U2AF2: variants seen among roughly 807,000 people sequenced by gnomAD.
U2AF2 encodes the protein U2 small nuclear RNA auxiliary factor 2.
In U2AF2, 6 loss-of-function variants were observed where a neutral mutation model predicts 52.6. The ratio of observed to expected loss-of-function variants is 0.11; its 90% CI spans 0.06 to 0.23. The LOEUF is 0.23. Ranked by LOEUF, U2AF2 falls within the 10% of genes least tolerant of loss-of-function variation. The probability of loss-of-function intolerance (pLI) is 1.00; values close to 1 mark genes in which losing one functional copy is unlikely to be tolerated. For synonymous variants in U2AF2, 284 were observed against 258.2 expected, an observed-to-expected ratio of 1.10 and a Z score of -0.96; for missense variants, 222 against 677.1, an observed-to-expected ratio of 0.33 and a Z score of 7.46.
intron 7 of U2AF2, among the ~76,000 whole-genome samples, chr19:55,665,710 G>T (rs1984507016): frequency 6.6e-6 from 1 of 152,162 alleles, no homozygotes. Flanking sequence ...GTGCAGTGGT[G>T]TGATCTCGGC....
At chr19:55,666,519 G>C (rs1001768548) in intron 7 of U2AF2, among the ~76,000 whole-genome samples, 5 of 152,250 alleles carry the variant, frequency 3.3e-5, no homozygotes, top group African/African-American at 1.2e-4. Context: ...GGGTCCTGTT[G>C]TGGGCATTGA....
chr19:55,668,409 G>A lies in U2AF2; in HGVS notation c.743-98G>A, dbSNP rs1468666260. The A allele has an allele frequency of 8.2e-7, 1 of 1,222,946 alleles. No individual in the cohort carries two copies. Among genetic ancestry groups the A allele is most frequent in the Admixed American group, 2.5e-5 (1 of 39,414 alleles). The allele number at this position is 1,222,946 out of a possible 1,614,324, so 75.8% of individuals were successfully genotyped here. A position where few individuals can be genotyped will look rare whatever the true frequency, so the allele number is the denominator to read the frequency against. ...CCTCCCTCGTCAGATCAGGCAGGAA[G>A]TGTTCTCTTTGGCAATTGAGGAGCT... On this transcript the variant is annotated intron_variant, in intron 7 of 11. Transcript: ENST00000308924. This position sits in a 1 kb window ranked among gnomAD's most constrained non-coding sequence, Gnocchi z 5.5.
At chr19:55,659,006 C>A in intron 1 of U2AF2, 1 of 748,200 alleles carries the variant, frequency 1.3e-6, no homozygotes, top group Non-Finnish European at 1.9e-6. Flanking sequence ...GGGGGCATTT[C>A]CAGGCCCCGT....
At chr19:55,659,439 T>TCCGGGC in intron 2 of U2AF2, 94 bp downstream of exon 2, 1 of 1,344,820 alleles carries the variant, frequency 7.4e-7, no homozygotes, top group Non-Finnish European at 9.6e-7. Context: ...TGTGTCTGGG[T>TCCGGGC]CCGGGCCCTG....
chr19:55,660,842 A>G (rs980107809), intron 4 of U2AF2, among the ~76,000 whole-genome samples, 196 bp from the exon 5 acceptor site: 11 of 152,102 alleles, frequency 7.2e-5, no homozygotes, highest in African/African-American at 1.2e-4. Flanking sequence ...TCTGGACGCC[A>G]TTAGGAAGTG....
In U2AF2 at chr19:55,663,719, A is replaced by C. The variant is rs1222530372; in HGVS notation, c.717A>C (p.Ser239=). Residue 239 remains serine, a synonymous_variant, in exon 7 of 12, where the codon TCA becomes TCC. Transcript: ENST00000308924. ...ACTACCAGCCGCTTCCTGGCATGTC[A>C]GAGAACCCCTCCGTCTATGTGCCTG... ...PHDYQPLPGM[S]ENPSVYVPGV... 9 of 1,614,154 alleles carry C rather than the reference A, an allele frequency of 5.6e-6. No homozygotes were observed. The highest frequency in any genetic ancestry group is 7.6e-6 in the Non-Finnish European group (9 of 1,180,024).
chr19:55,666,489 A>G (rs1046359334), intron 7 of U2AF2, among the ~76,000 whole-genome samples: 4 of 152,150 alleles, frequency 2.6e-5, no homozygotes, highest in African/African-American at 9.7e-5. Context: ...CAGTGCTCAC[A>G]GTGTGTGTCT....
chr19:55,670,528 C>T, intron 11 of U2AF2: 2 of 341,490 alleles, frequency 5.9e-6, no homozygotes, highest in South Asian at 2.2e-5. Flanking sequence ...GTGCACCCTG[C>T]TGTCCCTGCA....
rs553154360 is a variant in U2AF2, at chr19:55,669,813, C to T, written c.1293+121C>T. ...TCCTCTTCTCCGCGCGCTCTTTCTT[C>T]CTCTCTCTCTCCTCTCGCAGCGCGT... On this transcript the variant is annotated intron_variant, in intron 11 of 11. Coordinates refer to ENST00000308924, the MANE Select transcript of U2AF2 (RefSeq NM_007279.3). 373 of 1,385,884 alleles carry T rather than the reference C, an allele frequency of 2.7e-4. No homozygotes were observed. In the African/African-American group the frequency reaches 5.0e-3, roughly 19 times the overall value. 85.8% of individuals were successfully genotyped at this position (1,385,884 alleles called of 1,614,324 possible). A position where few individuals can be genotyped will look rare whatever the true frequency, so the allele number is the denominator to read the frequency against.
intron 11 of U2AF2, among the ~76,000 whole-genome samples, chr19:55,672,369 C>G (rs894865494): frequency 6.6e-6 from 1 of 151,962 alleles, no homozygotes; most frequent in African/African-American, 2.4e-5. Context: ...TATTTTAAGG[C>G]TTATCAGGTT....
At chr19:55,661,499 G>GACACACACACACACAC (rs59262812) in intron 5 of U2AF2, among the ~76,000 whole-genome samples, 1 of 145,098 alleles carries the variant, frequency 6.9e-6, no homozygotes, top group Non-Finnish European at 1.5e-5. Flanking sequence ...GGGAGACTTG[G>GACACACACACACACAC]ACACACACAC....
At position 55,674,052 on chromosome 19, in the gene U2AF2, G is replaced by A; in HGVS notation, c.1412G>A (p.Arg471His). 1 of 1,605,474 alleles carries A rather than the reference G, an allele frequency of 6.2e-7. No homozygotes were observed. The highest frequency in any genetic ancestry group is 1.1e-5 in the South Asian group (1 of 90,784). The change falls in exon 12 of 12, where the codon CGC becomes CAC. Residue 471 changes from arginine to histidine, a missense_variant. Transcript: ENST00000308924. ...TKYCDPDSYHRRDFW is the reference protein window; with the variant it reads ...TKYCDPDSYHHRDFW ...TACTGTGACCCCGACTCTTATCACC[G>A]CCGGGACTTCTGGTAGAGGCGGCTG...
chr19:55,659,878 T>C (rs909563523), intron 2 of U2AF2, among the ~76,000 whole-genome samples: 1 of 152,098 alleles, frequency 6.6e-6, no homozygotes, highest in Non-Finnish European at 1.5e-5. Flanking sequence ...GTTCTCTGCC[T>C]CCTTAGGTGA....
In U2AF2 at chr19:55,668,486, C is replaced by T. The variant is rs201380097; in HGVS notation, c.743-21C>T. On this transcript the variant is annotated intron_variant, in intron 7 of 11. Coordinates refer to ENST00000308924, the MANE Select transcript of U2AF2 (RefSeq NM_007279.3). The surrounding 1 kb of genome is among the most constrained non-coding windows in gnomAD (Gnocchi z 5.5). Reference sequence around the variant, plus strand: ...GATAACCTGGTACTGGAATTGAAGTCCTCCTCTTCTCTACCCATAGGGGTT... The same window carrying T: ...GATAACCTGGTACTGGAATTGAAGTTCTCCTCTTCTCTACCCATAGGGGTT... The T allele has an allele frequency of 3.0e-4, 473 of 1,558,310 alleles. 1 individual carries two copies. Among genetic ancestry groups the T allele is most frequent in the Middle Eastern group, 3.5e-4 (2 of 5,782 alleles).
intron 11 of U2AF2, among the ~76,000 whole-genome samples, chr19:55,672,971 C>T (rs953248479): frequency 6.8e-6 from 1 of 148,028 alleles, no homozygotes; most frequent in Non-Finnish European, 1.5e-5. Context: ...GAGACGGAGC[C>T]TCACTCTGTC....
At chr19:55,673,431 C>T (rs1320358027) in intron 11 of U2AF2, among the ~76,000 whole-genome samples, 2 of 151,386 alleles carry the variant, frequency 1.3e-5, no homozygotes, top group Non-Finnish European at 2.9e-5. Context: ...CCTCCATTTT[C>T]CTGTAAATTG....
At chr19:55,663,434 C>G (rs1479709253) in intron 6 of U2AF2, among the ~76,000 whole-genome samples, 172 bp from the exon 7 acceptor site, 1 of 152,194 alleles carries the variant, frequency 6.6e-6, no homozygotes, top group African/African-American at 2.4e-5. Context: ...AGTGTGAGCT[C>G]CTGGCAGCAG....
intron 11 of U2AF2, among the ~76,000 whole-genome samples, chr19:55,673,222 G>A (rs1235970065): frequency 6.6e-6 from 1 of 152,060 alleles, no homozygotes; most frequent in Non-Finnish European, 1.5e-5. Context: ...CCCAGCCGAG[G>A]ATATTTTTTA....
chr19:55,656,276 G>A (rs1297344065), intron 1 of U2AF2, among the ~76,000 whole-genome samples: 1 of 152,216 alleles, frequency 6.6e-6, no homozygotes, highest in Non-Finnish European at 1.5e-5. Flanking sequence ...TCGTTCGGAG[G>A]ACGAAATGAG....
Sources: allele counts gnomAD v4.1 joint callset (sites outside exome capture counted in the v4.1 genomes callset), GRCh38; gene constraint gnomAD v4.1.1; non-coding constraint Gnocchi (gnomAD v3.1); transcripts MANE v1.5; gene names NCBI Gene and HGNC (gene_info 2026-07-23, HGNC 2026-07-21).